CPED1: variants seen among roughly 807,000 people sequenced by gnomAD.
The protein encoded by CPED1 is cadherin like and PC-esterase domain containing 1, also known as cadherin-like and PC-esterase domain-containing protein 1.
A neutral mutation model predicts 128.2 loss-of-function variants in CPED1; 114 were observed. That is an observed-to-expected ratio of 0.89 (90% CI 0.76 to 1.04). The LOEUF is 1.04. Ranked by LOEUF, CPED1 falls within the 50% of genes least tolerant of loss-of-function variation. CPED1 has a pLI of 0.00. For synonymous variants in CPED1, 462 were observed against 426.7 expected (o/e 1.08, Z -1.02); for missense variants, 1,211 against 1,207.1 (o/e 1.00, Z -0.05).
At chr7:121,133,775 G>A (rs770473958) in intron 12 of CPED1, 48 bp from the exon 13 acceptor site, 44 of 1,268,188 alleles carry the variant, frequency 3.5e-5, no homozygotes, top group Middle Eastern at 1.9e-4. Flanking sequence ...ATTTCCACGC[G>A]TTTTGTTCAT....
Position 121,136,026 on chromosome 7 carries a change from C to CTTT in CPED1, c.1649-5_1649-3dup, listed in dbSNP as rs751361706. 1.1e-5 allele frequency: 12 copies of CTTT among 1,081,008 alleles called. No homozygotes were observed. The highest frequency in any genetic ancestry group is 3.5e-5 in the South Asian group (2 of 56,500). 67.0% of individuals were successfully genotyped at this position (1,081,008 alleles called of 1,614,324 possible). On this transcript the variant is annotated splice_polypyrimidine_tract_variant and intron_variant, in intron 13 of 22. Coordinates refer to ENST00000310396, the MANE Select transcript of CPED1 (RefSeq NM_024913.5). Reference sequence around the variant, plus strand: ...TGGTTTTTATTTTAAATTTACATTTCTTTTTTTTTTTAGCTGCAGTTCCAC... The same window carrying CTTT: ...TGGTTTTTATTTTAAATTTACATTTCTTTTTTTTTTTTTTAGCTGCAGTTCCAC...
At position 121,015,827 on chromosome 7, in the gene CPED1, G is replaced by C; in HGVS notation, c.412G>C (p.Gly138Arg). Residue 138 changes from glycine (G) to arginine (R), a missense_variant, in exon 3 of 23, where the codon GGG (glycine) becomes CGG (arginine). By Grantham distance (125) the Gly-to-Arg change is moderately radical. Coordinates refer to ENST00000310396, the MANE Select transcript of CPED1 (RefSeq NM_024913.5). ...IAEERLNAGL[G>R]PGLLEQGDLG... Reference sequence around the variant, plus strand: ...TGAAGAAAGGCTCAATGCTGGCCTAGGGCCGGGGCTACTAGAACAAGGTCA... The same window carrying C: ...TGAAGAAAGGCTCAATGCTGGCCTACGGCCGGGGCTACTAGAACAAGGTCA... The C allele has an allele frequency of 6.4e-7, 1 of 1,564,658 alleles. No individual in the cohort carries two copies. Among genetic ancestry groups the C allele is most frequent in the Non-Finnish European group, 8.6e-7 (1 of 1,161,808 alleles).
intron 5 of CPED1, among the ~76,000 whole-genome samples, chr7:121,085,516 C>T (rs916964658): frequency 2.0e-5 from 3 of 151,960 alleles, no homozygotes; most frequent in African/African-American, 7.3e-5. Context: ...TGACCTAAAC[C>T]CTGGAGTGGA....
At chr7:121,219,341 A>T (rs1442614630) in intron 16 of CPED1, among the ~76,000 whole-genome samples, 3 of 151,958 alleles carry the variant, frequency 2.0e-5, no homozygotes, top group Non-Finnish European at 4.4e-5. Flanking sequence ...CTAAATGGAG[A>T]ATACAGGGTG....
intron 4 of CPED1, among the ~76,000 whole-genome samples, chr7:121,049,263 C>T (rs1309684367): frequency 6.6e-6 from 1 of 152,176 alleles, no homozygotes; most frequent in Non-Finnish European, 1.5e-5. Context: ...TTTCACTACA[C>T]TGGGTCGTAA....
intron 3 of CPED1, among the ~76,000 whole-genome samples, chr7:121,018,479 C>T: frequency 6.6e-6 from 1 of 152,098 alleles, no homozygotes; most frequent in East Asian, 1.9e-4. Flanking sequence ...AACCCTACTC[C>T]ACTTCCTTTT....
intron 16 of CPED1, among the ~76,000 whole-genome samples, chr7:121,213,170 A>C (rs911001893): frequency 2.3e-4 from 1 of 4,288 alleles, no homozygotes; most frequent in Non-Finnish European, 0.01. Flanking sequence ...TTCTTAGTAC[A>C]GTGTGTTTGT....
At chr7:120,990,047 T>C (rs1796285297) in intron 2 of CPED1, among the ~76,000 whole-genome samples, 177 bp downstream of exon 2, 1 of 152,220 alleles carries the variant, frequency 6.6e-6, no homozygotes, top group African/African-American at 2.4e-5. Context: ...CAACTTCTTA[T>C]AGTTACTTCC....
At chr7:121,049,571 A>G (rs1416167569) in intron 4 of CPED1, among the ~76,000 whole-genome samples, 1 of 152,202 alleles carries the variant, frequency 6.6e-6, no homozygotes, top group Non-Finnish European at 1.5e-5. Flanking sequence ...AGAGACCTGG[A>G]GGGCCAAGTG....
At chr7:121,131,062 T>C (rs920267225) in intron 12 of CPED1, among the ~76,000 whole-genome samples, 14 of 152,138 alleles carry the variant, frequency 9.2e-5, no homozygotes, top group Non-Finnish European at 4.4e-5. Context: ...CCTAGGGAGA[T>C]GAAAGACTAA....
At chr7:121,288,993 G>A (rs1792638479) in intron 22 of CPED1, among the ~76,000 whole-genome samples, 1 of 152,112 alleles carries the variant, frequency 6.6e-6, no homozygotes, top group Non-Finnish European at 1.5e-5. Flanking sequence ...GGAAAACATT[G>A]ATGCACCTCT....
chr7:121,268,394 T>C (rs1182828574), intron 21 of CPED1, among the ~76,000 whole-genome samples: 1 of 152,086 alleles, frequency 6.6e-6, no homozygotes, highest in Non-Finnish European at 1.5e-5. Context: ...GTGCCAGATA[T>C]TGTGTTAAAC....
intron 4 of CPED1, among the ~76,000 whole-genome samples, chr7:121,058,406 G>A (rs1793558570): frequency 6.6e-6 from 1 of 152,116 alleles, no homozygotes; most frequent in Non-Finnish European, 1.5e-5. Flanking sequence ...GCAATGGGGT[G>A]GTGAGCTGTG....
At position 121,244,294 on chromosome 7, in the gene CPED1, G is replaced by T. The variant is rs774385212; in HGVS notation, c.2266G>T (p.Val756Phe). ...TWQPHNCQYG[V>F]LTKPQLQQCL... is the part of the protein sequence containing the mutation. The stretch of plus-strand genomic sequence containing the variant: ...GCAGCCCCACAACTGCCAATATGGT[G>T]TCCTAACTAAGCCTCAACTCCAGCA... Residue 756 changes from valine (V) to phenylalanine (F), a missense_variant, in exon 18 of 23, where the codon GTC becomes TTC. Physicochemically the swap from Val to Phe is conservative, Grantham distance 50. Transcript: ENST00000310396. 5 of 1,614,122 alleles carry T rather than the reference G, an allele frequency of 3.1e-6. No homozygotes were observed. In the South Asian group the frequency reaches 5.5e-5, roughly 18 times the overall value.
intron 4 of CPED1, among the ~76,000 whole-genome samples, chr7:121,048,359 T>C (rs1793268264): frequency 6.6e-6 from 1 of 152,190 alleles, no homozygotes; most frequent in African/African-American, 2.4e-5. Flanking sequence ...GTTTCGTTTG[T>C]TGTAAGCAGA....
Position 121,136,022 on chromosome 7 carries a change from A to AT in CPED1, c.1649-15dup. On this transcript the variant is annotated splice_polypyrimidine_tract_variant and intron_variant, in intron 13 of 22. Coordinates refer to ENST00000310396, the MANE Select transcript of CPED1 (RefSeq NM_024913.5). ...TTAATGGTTTTTATTTTAAATTTAC[A>AT]TTTCTTTTTTTTTTTAGCTGCAGTT... is the stretch of plus-strand genomic sequence containing the variant. The AT allele has an allele frequency of 2.0e-6, 3 of 1,474,770 alleles. No homozygotes were observed. The highest frequency in any genetic ancestry group is 1.3e-5 in the South Asian group (1 of 75,912). The allele number at this position is 1,474,770 out of a possible 1,614,324, so 91.4% of individuals were successfully genotyped here. A position where few individuals can be genotyped will look rare whatever the true frequency, so the allele number is the denominator to read the frequency against.
At chr7:121,058,180 C>T (rs752469424) in intron 4 of CPED1, among the ~76,000 whole-genome samples, 1 of 152,192 alleles carries the variant, frequency 6.6e-6, no homozygotes, top group African/African-American at 2.4e-5. Context: ...TTGGAACTGT[C>T]GTAAGGACTG....
intron 21 of CPED1, among the ~76,000 whole-genome samples, chr7:121,269,337 C>T (rs1414157847): frequency 6.6e-6 from 1 of 151,954 alleles, no homozygotes; most frequent in Non-Finnish European, 1.5e-5. Flanking sequence ...TGATTTTGTT[C>T]TTTAGGCTGC....
chr7:121,098,747 A>ATATAT (rs1164776896), intron 6 of CPED1, among the ~76,000 whole-genome samples: 17 of 9,196 alleles, frequency 1.8e-3, no homozygotes, highest in Admixed American at 0.01. Flanking sequence ...TATATATAAA[A>ATATAT]ATATATAAAA....
Sources: gnomAD v4.1 joint callset for allele counts (sites outside exome capture counted in the v4.1 genomes callset) on GRCh38, gnomAD v4.1.1 for gene constraint, MANE v1.5 for transcripts, NCBI Gene and HGNC (gene_info 2026-07-23, HGNC 2026-07-21) for gene names.